The following RAB27A variants were observed in gnomAD, a reference collection of about 807,000 sequenced individuals.
RAB27A encodes the protein ras-related protein Rab-27A.
In RAB27A, 17 loss-of-function variants were observed where a neutral mutation model predicts 20.8. That is an observed-to-expected ratio of 0.82 (90% CI 0.56 to 1.23). The LOEUF (loss-of-function observed/expected upper bound fraction) is 1.23. RAB27A is among the 50% of genes most tolerant of loss of function. The probability of loss-of-function intolerance (pLI) is 0.00; values close to 1 mark genes in which losing one functional copy is unlikely to be tolerated. For missense variants in RAB27A, 277 were observed against 266.7 expected (o/e 1.04, Z -0.27); for synonymous variants, 85 against 92.8 (o/e 0.92, Z 0.48).
In RAB27A at chr15:55,236,175, G is replaced by T. The variant is rs60735285; in HGVS notation, c.-22-1219C>A. The stretch of plus-strand genomic sequence containing the variant: ...AAAACCTATGGAAATAAAAAAAAAA[G>T]AAAGAAAGAAAGTCTCCTAGTGCTA... On this transcript the variant is annotated intron_variant, in intron 2 of 6. Coordinates refer to ENST00000336787, the MANE Select transcript of RAB27A (RefSeq NM_183235.3). Among the ~76,000 whole-genome samples the T allele has an allele frequency of 9.9e-5, 14 of 141,336 alleles. 1 individual carries two copies. The highest frequency in any genetic ancestry group is 6.7e-4 in the Admixed American group (10 of 14,816). The allele number at this position is 141,336 out of a possible 152,430, so 92.7% of individuals were successfully genotyped here. A position where few individuals can be genotyped will look rare whatever the true frequency, so the allele number is the denominator to read the frequency against.
At chr15:55,277,846 G>A (rs1234143598) in intron 1 of RAB27A, among the ~76,000 whole-genome samples, 1 of 152,174 alleles carries the variant, frequency 6.6e-6, no homozygotes, top group African/African-American at 2.4e-5. Context: ...CAGTTTAGTG[G>A]GGACTGAGTT....
chr15:55,224,113 A>T, intron 5 of RAB27A, 101 bp from the exon 6 acceptor site: 1 of 877,178 alleles, frequency 1.1e-6, no homozygotes. Flanking sequence ...TAATGTATAT[A>T]TAGATATTGG....
chr15:55,207,696 T>G (rs1305809387), intron 6 of RAB27A, among the ~76,000 whole-genome samples: 3 of 152,194 alleles, frequency 2.0e-5, no homozygotes, highest in African/African-American at 7.2e-5. Flanking sequence ...TTGTTTTGTT[T>G]TTTAGAGATG....
At chr15:55,240,221 A>T (rs1278063158) in intron 2 of RAB27A, among the ~76,000 whole-genome samples, 5 of 152,264 alleles carry the variant, frequency 3.3e-5, no homozygotes, top group Non-Finnish European at 7.4e-5. Flanking sequence ...TTGTGTTGGC[A>T]TTTCATTTCA....
intron 2 of RAB27A, among the ~76,000 whole-genome samples, chr15:55,251,073 T>A (rs552020668): frequency 1.3e-5 from 2 of 152,348 alleles, no homozygotes; most frequent in East Asian, 3.9e-4. Context: ...AATCGTCTCA[T>A]TTGCCTTTGG....
At chr15:55,244,331 A>AAACAAACC (rs1399045095) in intron 2 of RAB27A, among the ~76,000 whole-genome samples, 1 of 151,968 alleles carries the variant, frequency 6.6e-6, no homozygotes, top group African/African-American at 2.4e-5. Context: ...ACAAACAAAC[A>AAACAAACC]AACAAAACAA....
At chr15:55,239,685 AT>A (rs1896404261) in intron 2 of RAB27A, among the ~76,000 whole-genome samples, 1 of 152,140 alleles carries the variant, frequency 6.6e-6, no homozygotes, top group South Asian at 2.1e-4. Flanking sequence ...GAAGATTCTG[AT>A]TGGGGAAAAC....
At chr15:55,264,756 G>A (rs1897400801) in intron 2 of RAB27A, among the ~76,000 whole-genome samples, 1 of 152,160 alleles carries the variant, frequency 6.6e-6, no homozygotes, top group South Asian at 2.1e-4. Flanking sequence ...ACTGAGGAGG[G>A]AGAGAGCCTG....
chr15:55,281,921 C>G (rs139139819), intron 1 of RAB27A, among the ~76,000 whole-genome samples: 21 of 152,188 alleles, frequency 1.4e-4, no homozygotes, highest in African/African-American at 4.3e-4. Flanking sequence ...TCTCATGCTC[C>G]TCAAGAGTGT....
chr15:55,257,809 G>A (rs1018052645), intron 2 of RAB27A, among the ~76,000 whole-genome samples: 7 of 152,036 alleles, frequency 4.6e-5, no homozygotes, highest in African/African-American at 7.3e-5. Context: ...CCTGGCCAAC[G>A]TGGTAAAACC....
At chr15:55,307,065 T>C (rs548179235) in intron 2 of RAB27A, among the ~76,000 whole-genome samples, 2 of 152,020 alleles carry the variant, frequency 1.3e-5, no homozygotes, top group South Asian at 2.1e-4. Context: ...TTAACCGCAG[T>C]TGGGATAGAT....
intron 3 of RAB27A, among the ~76,000 whole-genome samples, chr15:55,232,980 C>T (rs1409421862): frequency 6.6e-6 from 1 of 151,948 alleles, no homozygotes; most frequent in Non-Finnish European, 1.5e-5. Context: ...AAACAATTAG[C>T]CGGGTGTGGT....
At chr15:55,318,487 G>C (rs1190089082) in intron 1 of RAB27A, among the ~76,000 whole-genome samples, 2 of 150,002 alleles carry the variant, frequency 1.3e-5, no homozygotes, top group East Asian at 4.1e-4. Flanking sequence ...GGCGGATCAC[G>C]AGGTCAGGAG....
intron 2 of RAB27A, among the ~76,000 whole-genome samples, chr15:55,246,335 T>C (rs907579879): frequency 1.3e-5 from 2 of 152,112 alleles, no homozygotes; most frequent in African/African-American, 4.8e-5. Flanking sequence ...CAACTGTATG[T>C]TAGGAAACAA....
At chr15:55,243,564 G>A (rs521544) in intron 2 of RAB27A, among the ~76,000 whole-genome samples, 77,008 of 151,014 alleles carry the variant, frequency 0.51, 20,165 homozygotes, top group East Asian at 0.76. Context: ...GCTGAGGCAA[G>A]AGAATAACAT....
chr15:55,210,051 T>C (rs1398481781), intron 6 of RAB27A, among the ~76,000 whole-genome samples: 2 of 141,910 alleles, frequency 1.4e-5, no homozygotes, highest in Non-Finnish European at 1.5e-5. Context: ...CATGTACATA[T>C]ATACACATAT....
chr15:55,293,777 C>CGTG (rs1350637693), upstream of RAB27A, among the ~76,000 whole-genome samples: 2 of 151,974 alleles, frequency 1.3e-5, no homozygotes, highest in African/African-American at 4.8e-5. Flanking sequence ...TTTAGCCGGG[C>CGTG]GTGGTGGTGG....
chr15:55,209,923 C>CACATGTGTGTATATAT (rs1894885520), intron 6 of RAB27A, among the ~76,000 whole-genome samples: 3 of 82,538 alleles, frequency 3.6e-5, no homozygotes, highest in African/African-American at 2.5e-4. Context: ...TGTATATACA[C>CACATGTGTGTATATAT]ACATATATGT....
At chr15:55,317,058 G>GA (rs1207964046) in intron 1 of RAB27A, 1 of 152,042 alleles carries the variant, frequency 6.6e-6, no homozygotes, top group Non-Finnish European at 1.5e-5. Context: ...TGAATTCCTA[G>GA]AAAAATAAAC....
Sources: gnomAD v4.1 joint callset for allele counts (sites outside exome capture counted in the v4.1 genomes callset) on GRCh38, gnomAD v4.1.1 for gene constraint, MANE v1.5 for transcripts, NCBI Gene and HGNC (gene_info 2026-07-23, HGNC 2026-07-21) for gene names.